Variants in ROBO2 observed in about 807,000 individuals in gnomAD.
The protein encoded by ROBO2 is roundabout guidance receptor 2, also known as roundabout homolog 2.
A neutral mutation model predicts 160.8 loss-of-function variants in ROBO2; 53 were observed. The observed-to-expected ratio is 0.33, with a 90% CI of 0.26 to 0.41. ROBO2 has a LOEUF of 0.41. ROBO2 is among the 10% of genes least tolerant of loss of function. The pLI is 1.00. For missense variants in ROBO2, 1,577 were observed against 1,722.4 expected (o/e 0.92, Z 1.49); for synonymous variants, 664 against 611.7 (o/e 1.09, Z -1.26).
intron 2 of ROBO2, among the ~76,000 whole-genome samples, chr3:76,638,954 G>C (rs1354605445): frequency 6.6e-6 from 1 of 152,136 alleles, no homozygotes; most frequent in Non-Finnish European, 1.5e-5. Flanking sequence ...GGTGATATCT[G>C]TGATGTACTG....
chr3:76,310,204 A>G (rs1296820319), intron 2 of ROBO2, among the ~76,000 whole-genome samples: 2 of 152,162 alleles, frequency 1.3e-5, no homozygotes, highest in Non-Finnish European at 2.9e-5. Flanking sequence ...AATTATAACC[A>G]TACCTTGTGA....
chr3:76,019,710 G>A (rs1001039505), intron 2 of ROBO2, among the ~76,000 whole-genome samples: 2 of 151,236 alleles, frequency 1.3e-5, no homozygotes, highest in African/African-American at 2.4e-5. Flanking sequence ...CTCCCAACAT[G>A]GTTAGGTTTT....
At chr3:77,011,226 G>A (rs933957126) in intron 2 of ROBO2, among the ~76,000 whole-genome samples, 1 of 148,708 alleles carries the variant, frequency 6.7e-6, no homozygotes, top group African/African-American at 2.5e-5. Context: ...CAGAAAGTAA[G>A]CCCAATGAAT....
intron 2 of ROBO2, among the ~76,000 whole-genome samples, chr3:75,987,909 T>C (rs1224052089): frequency 6.6e-6 from 1 of 152,066 alleles, no homozygotes; most frequent in Non-Finnish European, 1.5e-5. Flanking sequence ...TCTAATATGC[T>C]GCTGAATTTG....
chr3:76,917,791 A>C (rs2076417633), intron 2 of ROBO2, among the ~76,000 whole-genome samples: 1 of 152,358 alleles, frequency 6.6e-6, no homozygotes, highest in Admixed American at 6.5e-5. Flanking sequence ...TATTCTAAAA[A>C]AAAATGGTTT....
At chr3:76,696,465 T>C (rs1214434626) in intron 2 of ROBO2, among the ~76,000 whole-genome samples, 5 of 152,064 alleles carry the variant, frequency 3.3e-5, no homozygotes, top group Non-Finnish European at 7.4e-5. Context: ...GGGGTTGCCA[T>C]TGCTGGCTCG....
At chr3:77,022,971 G>A (rs1215121162) in intron 2 of ROBO2, among the ~76,000 whole-genome samples, 1 of 151,980 alleles carries the variant, frequency 6.6e-6, no homozygotes, top group African/African-American at 2.4e-5. Flanking sequence ...CTTAGCCTCT[G>A]ACAACCACCA....
At chr3:77,297,413 T>C (rs1370308870) in intron 2 of ROBO2, among the ~76,000 whole-genome samples, 1 of 152,136 alleles carries the variant, frequency 6.6e-6, no homozygotes, top group East Asian at 1.9e-4. Context: ...TCTCTTGATT[T>C]TTGAAAACGA....
At chr3:77,192,764 G>GC (rs1018668887) in intron 2 of ROBO2, among the ~76,000 whole-genome samples, 2 of 146,406 alleles carry the variant, frequency 1.4e-5, no homozygotes, top group African/African-American at 5.1e-5. Flanking sequence ...TGGTGCCTCA[G>GC]CCCCCCAAGT....
chr3:76,688,608 T>TGC (rs1194649022), intron 2 of ROBO2, among the ~76,000 whole-genome samples: 2 of 151,314 alleles, frequency 1.3e-5, no homozygotes, highest in Non-Finnish European at 3.0e-5. Context: ...TAGTGGTGTG[T>TGC]GTGTGTGTGT....
At chr3:76,887,304 T>G in intron 2 of ROBO2, among the ~76,000 whole-genome samples, 1 of 150,878 alleles carries the variant, frequency 6.6e-6, no homozygotes, top group East Asian at 2.0e-4. Flanking sequence ...AATCCCCTGA[T>G]TTTATTGATT....
At chr3:76,850,193 T>A (rs2069199389) in intron 2 of ROBO2, among the ~76,000 whole-genome samples, 1 of 152,058 alleles carries the variant, frequency 6.6e-6, no homozygotes, top group East Asian at 1.9e-4. Flanking sequence ...GTTTTCTCTA[T>A]CTTCATCAGC....
intron 2 of ROBO2, among the ~76,000 whole-genome samples, chr3:76,113,017 A>G (rs1483039007): frequency 6.6e-6 from 1 of 152,116 alleles, no homozygotes; most frequent in South Asian, 2.1e-4. Context: ...GGTTGACACA[A>G]TTAGCTTTTA....
At chr3:76,005,039 C>A (rs2065982034) in intron 2 of ROBO2, among the ~76,000 whole-genome samples, 2 of 152,156 alleles carry the variant, frequency 1.3e-5, no homozygotes, top group African/African-American at 4.8e-5. Flanking sequence ...GGAGTTCAAT[C>A]TCTTGCTGTC....
intron 23 of ROBO2, among the ~76,000 whole-genome samples, chr3:77,627,477 G>T (rs1298665353): frequency 6.6e-6 from 1 of 151,858 alleles, no homozygotes; most frequent in Non-Finnish European, 1.5e-5. Context: ...TAGATACGGG[G>T]TTTCACCATG....
chr3:76,109,774 T>TA (rs1046734509), intron 2 of ROBO2, among the ~76,000 whole-genome samples: 63 of 152,140 alleles, frequency 4.1e-4, no homozygotes, highest in Middle Eastern at 3.4e-3. Context: ...ACCCTAATAG[T>TA]AAACATTGTA....
chr3:77,112,814 A>C (rs1311751529), intron 2 of ROBO2, among the ~76,000 whole-genome samples: 1 of 152,222 alleles, frequency 6.6e-6, no homozygotes, highest in Non-Finnish European at 1.5e-5. Context: ...ACTGTGGGCC[A>C]ACCAAAACAA....
In ROBO2 at chr3:76,978,940, T is replaced by TTG. The variant is rs1339019949; in HGVS notation, c.110-119073_110-119072insGT. ...GAGTTTTTTTTGTTTGTTTGTTTGTTTTTTAAAAAAAAAAAAAAGAAAAAC... is the reference window on the plus strand; with the variant it reads ...GAGTTTTTTTTGTTTGTTTGTTTGTTTGTTTTAAAAAAAAAAAAAAGAAAAAC... On this transcript the variant is annotated intron_variant, in intron 2 of 26. Coordinates refer to the ROBO2 transcript ENST00000487694. Among the ~76,000 whole-genome samples the TTG allele has an allele frequency of 1.4e-3, 209 of 150,694 alleles. 1 individual carries two copies. The highest frequency in any genetic ancestry group is 4.7e-3 in the African/African-American group (191 of 40,966).
intron 2 of ROBO2, among the ~76,000 whole-genome samples, chr3:76,768,887 A>G (rs931968224): frequency 4.6e-5 from 7 of 151,408 alleles, no homozygotes; most frequent in African/African-American, 1.7e-4. Context: ...GGTCAGATGA[A>G]GAAAATTGTC....
Sources: allele counts gnomAD v4.1 joint callset (sites outside exome capture counted in the v4.1 genomes callset), GRCh38; gene constraint gnomAD v4.1.1; transcripts MANE v1.5; gene names NCBI Gene and HGNC (gene_info 2026-07-23, HGNC 2026-07-21).